Variants in GRID2IP observed in about 807,000 individuals in gnomAD.
GRID2IP encodes the protein Grid2 interacting protein.
In GRID2IP, 78 loss-of-function variants were observed where a neutral mutation model predicts 114.3. The ratio of observed to expected loss-of-function variants is 0.68; its 90% CI spans 0.57 to 0.82. The LOEUF is 0.82. Among genes scored for constraint, GRID2IP ranks in the 40% least tolerant of loss-of-function variants. The pLI is 0.00. For missense variants in GRID2IP, 1,727 were observed against 1,678.5 expected (o/e 1.03, Z -0.51); for synonymous variants, 809 against 724.0 (o/e 1.12, Z -1.89).
chr7:6,502,906 A>T, intron 17 of GRID2IP, 34 bp from the exon 18 acceptor site: 1 of 1,540,572 alleles, frequency 6.5e-7, no homozygotes, highest in Non-Finnish European at 8.8e-7. Flanking sequence ...TCCTGTCCTC[A>T]CCCCACCACC....
rs558792239 is a variant in GRID2IP at position 6,534,452 on chromosome 7, G to C, written c.584+5266C>G. Among the ~76,000 whole-genome samples the C allele has an allele frequency of 1.1e-4, 17 of 152,308 alleles. No homozygotes were observed. The highest frequency in any genetic ancestry group is 3.4e-3 in the Middle Eastern group (1 of 294). On this transcript the variant is annotated intron_variant, in intron 2 of 21. Coordinates refer to ENST00000457091, the MANE Select transcript of GRID2IP (RefSeq NM_001145118.2). The surrounding 1 kb of genome is among the most constrained non-coding windows in gnomAD (Gnocchi z 4.5). ...TCCCTTTGGGGAGAGACCCAAATTA[G>C]CCTCCCAGTCGCAGGATTAACTGTT...
intron 1 of GRID2IP, among the ~76,000 whole-genome samples, chr7:6,548,380 T>C (rs1056762829): frequency 1.3e-5 from 2 of 151,864 alleles, no homozygotes; most frequent in African/African-American, 4.8e-5. Context: ...TTAAACGGTG[T>C]AGATGGATTG....
Position 6,526,411 on chromosome 7 carries a change from C to G in GRID2IP, c.834-102G>C. ...CCTCTCCCCTTAACCTCTCCGGCCC[C>G]CTATGCACCCCAGATGCCCAGCCCC... On this transcript the variant is annotated intron_variant, in intron 3 of 21. Transcript: ENST00000457091. This position sits in a 1 kb window ranked among gnomAD's most constrained non-coding sequence, Gnocchi z 7.6. 2 of 1,508,402 alleles carry G rather than the reference C, an allele frequency of 1.3e-6. No homozygotes were observed. Among genetic ancestry groups the G allele is most frequent in the Non-Finnish European group, 1.8e-6 (2 of 1,119,990 alleles). 93.4% of individuals were successfully genotyped at this position (1,508,402 alleles called of 1,614,324 possible). A position where few individuals can be genotyped will look rare whatever the true frequency, so the allele number is the denominator to read the frequency against.
At chr7:6,503,309 C>G (rs1282781639) in intron 16 of GRID2IP, 146 bp from the exon 17 acceptor site, 1 of 1,051,448 alleles carries the variant, frequency 9.5e-7, no homozygotes, top group Admixed American at 2.9e-5. Flanking sequence ...CCTGGGGGAG[C>G]CCGCCTCCCA....
intron 11 of GRID2IP, among the ~76,000 whole-genome samples, chr7:6,510,002 AT>A (rs943040107): frequency 2.0e-5 from 3 of 151,646 alleles, no homozygotes; most frequent in Non-Finnish European, 4.4e-5. Context: ...CTAATTTTGT[AT>A]TTTTTTTGTT....
chr7:6,532,939 C>T lies in GRID2IP; in HGVS notation c.585-6170G>A, dbSNP rs1358275659. Among the ~76,000 whole-genome samples, 8 of 152,194 alleles carry T rather than the reference C, an allele frequency of 5.3e-5. No individual in the cohort carries two copies. Among genetic ancestry groups the T allele is most frequent in the Admixed American group, 4.6e-4 (7 of 15,262 alleles). On this transcript the variant is annotated intron_variant, in intron 2 of 21. Transcript: ENST00000457091. This position sits in a 1 kb window ranked among gnomAD's most constrained non-coding sequence, Gnocchi z 4.4. ...ACCCAGGGCAGCATGAGGTGGTCAC[C>T]CAGTCACTAGGTGATCACCAGGGGA...
At chr7:6,529,074 T>A (rs143891637) in intron 2 of GRID2IP, among the ~76,000 whole-genome samples, 1 of 152,230 alleles carries the variant, frequency 6.6e-6, no homozygotes, top group Non-Finnish European at 1.5e-5. Flanking sequence ...TCTGAAGACA[T>A]CACCCCATGC....
At chr7:6,502,163 G>C (rs1173425719) in intron 18 of GRID2IP, 45 bp from the exon 19 acceptor site, 2 of 1,538,160 alleles carry the variant, frequency 1.3e-6, no homozygotes, top group Non-Finnish European at 8.8e-7. Flanking sequence ...GACCCCATCA[G>C]ATGGGGTCAC....
At chr7:6,531,252 G>T in intron 2 of GRID2IP, 1 of 413,224 alleles carries the variant, frequency 2.4e-6, no homozygotes, top group Non-Finnish European at 4.3e-6. Flanking sequence ...GCCCCGCCCT[G>T]GCCCCTTTTG....
rs1316148476 is a variant in GRID2IP at position 6,506,526 on chromosome 7, G to C, written c.2545-619C>G. Among the ~76,000 whole-genome samples, 3 of 152,170 alleles carry C rather than the reference G, an allele frequency of 2.0e-5. No individual in the cohort carries two copies. The highest frequency in any genetic ancestry group is 7.2e-5 in the African/African-American group (3 of 41,428). ...GACACTGAGGATGGATTTGGGTTTG[G>C]CCACATGTGTGACCTGTGTCCCTGT... On this transcript the variant is annotated intron_variant, in intron 13 of 21. Coordinates refer to ENST00000457091, the MANE Select transcript of GRID2IP (RefSeq NM_001145118.2). The surrounding 1 kb of genome is among the most constrained non-coding windows in gnomAD (Gnocchi z 5.2).
At chr7:6,500,767 G>A (rs553175747) in intron 20 of GRID2IP, among the ~76,000 whole-genome samples, 1 of 152,354 alleles carries the variant, frequency 6.6e-6, no homozygotes, top group Admixed American at 6.5e-5. Context: ...CTGCCAAGGG[G>A]TGTTGGAGCC....
intron 1 of GRID2IP, among the ~76,000 whole-genome samples, chr7:6,541,915 C>A (rs906250692): frequency 1.3e-5 from 2 of 152,140 alleles, no homozygotes; most frequent in Non-Finnish European, 2.9e-5. Flanking sequence ...ACGTTGGCAG[C>A]AATATAAATA....
chr7:6,525,843 A>C (rs1352752352), intron 4 of GRID2IP, among the ~76,000 whole-genome samples: 2 of 152,140 alleles, frequency 1.3e-5, no homozygotes, highest in South Asian at 2.1e-4. Context: ...CTGGGGGCAC[A>C]GCCTGGGTAG....
At position 6,503,613 on chromosome 7, in the gene GRID2IP, G is replaced by GGCGCCGGGGCTCCAT; in HGVS notation, c.2770_2784dup (p.Met924_Arg928dup). 1 of 1,528,988 alleles carries GGCGCCGGGGCTCCAT rather than the reference G, an allele frequency of 6.5e-7. No homozygotes were observed. The highest frequency in any genetic ancestry group is 1.4e-5 in the African/African-American group (1 of 71,964). 94.7% of individuals were successfully genotyped at this position (1,528,988 alleles called of 1,614,324 possible). A position where few individuals can be genotyped will look rare whatever the true frequency, so the allele number is the denominator to read the frequency against. ...AGCTGCGCGAGATGTGCGGGCTCCA[G>GGCGCCGGGGCTCCAT]GCGCCGGGGCTCCATGCTCATCAGC... On this transcript the variant is annotated inframe_insertion, in exon 16 of 22. Coordinates refer to ENST00000457091, the MANE Select transcript of GRID2IP (RefSeq NM_001145118.2).
rs541072279 is a variant in GRID2IP, at chr7:6,529,640, G to C, written c.585-2871C>G. On this transcript the variant is annotated intron_variant, in intron 2 of 21. Coordinates refer to ENST00000457091, the MANE Select transcript of GRID2IP (RefSeq NM_001145118.2). The stretch of plus-strand genomic sequence containing the variant: ...TCCATGCAGCTCAGTCTGGCCCAGA[G>C]TCCCCAGCCCTGGGTCTGCCCTAAA... Among the ~76,000 whole-genome samples, 16 of 152,292 alleles carry C rather than the reference G, an allele frequency of 1.1e-4. No homozygotes were observed. In the South Asian group the frequency reaches 2.7e-3, roughly 26 times the overall value.
intron 17 of GRID2IP, 35 bp downstream of exon 17, chr7:6,502,973 G>C (rs1413696274): frequency 3.2e-6 from 5 of 1,550,876 alleles, no homozygotes; most frequent in Non-Finnish European, 4.4e-6. Context: ...AGGCAGAGAA[G>C]CAGATAGGGT....
intron 8 of GRID2IP, among the ~76,000 whole-genome samples, chr7:6,513,973 G>T (rs1056334549): frequency 7.1e-6 from 1 of 140,154 alleles, no homozygotes; most frequent in African/African-American, 2.7e-5. Flanking sequence ...AAAAAAAAAG[G>T]CTGGGCGTGG....
rs537550039 is a variant in GRID2IP at position 6,528,892 on chromosome 7, C to T, written c.585-2123G>A. Among the ~76,000 whole-genome samples, 1 of 152,298 alleles carries T rather than the reference C, an allele frequency of 6.6e-6. No individual in the cohort carries two copies. The highest frequency in any genetic ancestry group is 2.4e-5 in the African/African-American group (1 of 41,550). On this transcript the variant is annotated intron_variant, in intron 2 of 21. Transcript: ENST00000457091. The surrounding 1 kb of genome is among the most constrained non-coding windows in gnomAD (Gnocchi z 6.0). Reference sequence around the variant, plus strand: ...GCAATGCTTCCTGCAAATCCGGAAACACAGCCTCATCCCCCAGATGGTCAT... The same window carrying T: ...GCAATGCTTCCTGCAAATCCGGAAATACAGCCTCATCCCCCAGATGGTCAT...
chr7:6,509,261 G>A lies in GRID2IP; in HGVS notation c.1824C>T (p.Ser608=). ...VSWPSERLLP[S]PCYHPLCSGG... is the part of the protein sequence containing the mutation. The stretch of plus-strand genomic sequence containing the variant: ...CCGAACACAGCGGGTGGTAGCAGGG[G>A]GAGGGCAAGAGTCGCTCGCTGGGCC... The change falls in exon 12 of 22, where the codon TCC becomes TCT. Residue 608 remains serine, a synonymous_variant. Transcript: ENST00000457091. This position sits in a 1 kb window ranked among gnomAD's most constrained non-coding sequence, Gnocchi z 4.9. 6.5e-7 allele frequency: 1 copy of A among 1,528,552 alleles called. No individual in the cohort carries two copies. The allele number at this position is 1,528,552 out of a possible 1,614,324, so 94.7% of individuals were successfully genotyped here. A position where few individuals can be genotyped will look rare whatever the true frequency, so the allele number is the denominator to read the frequency against.
Sources: gnomAD v4.1 joint callset for allele counts (sites outside exome capture counted in the v4.1 genomes callset) on GRCh38, gnomAD v4.1.1 for gene constraint, Gnocchi (gnomAD v3.1) non-coding constraint, MANE v1.5 for transcripts, NCBI Gene and HGNC (gene_info 2026-07-23, HGNC 2026-07-21) for gene names.